RBFOX1: variants seen among roughly 807,000 people sequenced by gnomAD.
The protein encoded by RBFOX1 is RNA binding protein fox-1 homolog 1.
In RBFOX1, 8 loss-of-function variants were observed where a neutral mutation model predicts 57.7. The ratio of observed to expected loss-of-function variants is 0.14; its 90% CI spans 0.08 to 0.25. The LOEUF is 0.25. Among genes scored for constraint, RBFOX1 ranks in the 10% least tolerant of loss-of-function variants. The pLI is 1.00. For synonymous variants in RBFOX1, 326 were observed against 222.4 expected (o/e 1.47, Z -4.15); for missense variants, 611 against 548.5 (o/e 1.11, Z -1.14).
intron 10 of RBFOX1, among the ~76,000 whole-genome samples, chr16:7,629,072 G>A (rs1336650219): frequency 6.6e-6 from 1 of 152,186 alleles, no homozygotes; most frequent in African/African-American, 2.4e-5. Context: ...GCGGGTGGGG[G>A]TGGCTGTTCT....
upstream of RBFOX1, among the ~76,000 whole-genome samples, chr16:6,015,100 G>T (rs112024484): frequency 1.9e-3 from 285 of 152,232 alleles, 2 homozygotes; most frequent in African/African-American, 6.4e-3. Context: ...CAAGCAGTCT[G>T]CCCACTTCAG....
chr16:7,576,659 G>T (rs559029851), intron 5 of RBFOX1, among the ~76,000 whole-genome samples: 105 of 152,282 alleles, frequency 6.9e-4, no homozygotes, highest in African/African-American at 2.4e-3. Flanking sequence ...TGTTTGACTA[G>T]AGATGATTAA....
chr16:6,914,426 G>A (rs1170341016), intron 3 of RBFOX1, among the ~76,000 whole-genome samples: 1 of 152,102 alleles, frequency 6.6e-6, no homozygotes, highest in Non-Finnish European at 1.5e-5. Flanking sequence ...GAAGAGAAAA[G>A]ACAGTAGTAA....
chr16:5,717,269 A>T (rs1300802425), intron 3 of RBFOX1, among the ~76,000 whole-genome samples: 8 of 152,078 alleles, frequency 5.3e-5, no homozygotes, highest in African/African-American at 1.7e-4. Context: ...GTTTCCTGTG[A>T]ATTTATCTTT....
At chr16:6,350,094 A>C (rs115758982) in intron 2 of RBFOX1, among the ~76,000 whole-genome samples, 1 of 152,258 alleles carries the variant, frequency 6.6e-6, no homozygotes, top group Admixed American at 6.5e-5. Context: ...AAATCATGCA[A>C]TTGATATTGG....
intron 3 of RBFOX1, among the ~76,000 whole-genome samples, chr16:5,679,869 C>T (rs8063638): frequency 0.67 from 102,159 of 151,996 alleles, 35,597 homozygotes; most frequent in Non-Finnish European, 0.77. Context: ...TATTAAAGTA[C>T]AGTTCATAGT....
intron 2 of RBFOX1, among the ~76,000 whole-genome samples, chr16:6,451,298 G>A (rs974220248): frequency 2.0e-5 from 3 of 152,100 alleles, no homozygotes; most frequent in Non-Finnish European, 4.4e-5. Context: ...AATTATGGAA[G>A]TATCAACATT....
chr16:7,208,607 G>A (rs747215385), intron 4 of RBFOX1, among the ~76,000 whole-genome samples: 2 of 152,126 alleles, frequency 1.3e-5, no homozygotes, highest in Non-Finnish European at 2.9e-5. Flanking sequence ...AGGCTGTGGT[G>A]GGAAGTTTGC....
At chr16:6,159,826 A>G (rs561178385) in intron 1 of RBFOX1, among the ~76,000 whole-genome samples, 1 of 152,290 alleles carries the variant, frequency 6.6e-6, no homozygotes, top group Non-Finnish European at 1.5e-5. Context: ...TGGGCATGCA[A>G]AGTAACATTG....
At chr16:6,343,337 C>G (rs1017435897) in intron 2 of RBFOX1, among the ~76,000 whole-genome samples, 3 of 152,134 alleles carry the variant, frequency 2.0e-5, no homozygotes, top group African/African-American at 7.2e-5. Context: ...ACCCACTGCT[C>G]CTTCTCAAAC....
chr16:6,897,470 C>T (rs1182419387), intron 3 of RBFOX1, among the ~76,000 whole-genome samples: 2 of 152,150 alleles, frequency 1.3e-5, no homozygotes, highest in Non-Finnish European at 1.5e-5. Flanking sequence ...CGTGATGTGG[C>T]TTCCCACTGT....
chr16:6,352,282 G>A (rs973523719), intron 2 of RBFOX1, among the ~76,000 whole-genome samples: 1 of 151,990 alleles, frequency 6.6e-6, no homozygotes, highest in African/African-American at 2.4e-5. Flanking sequence ...TAGGCAGGGG[G>A]GTTGTTTCTT....
chr16:6,323,543 C>G (rs911301466), intron 2 of RBFOX1, among the ~76,000 whole-genome samples: 1 of 152,146 alleles, frequency 6.6e-6, no homozygotes, highest in Non-Finnish European at 1.5e-5. Flanking sequence ...TGATCACACT[C>G]TTTGTACTTT....
intron 2 of RBFOX1, among the ~76,000 whole-genome samples, chr16:6,612,716 G>C (rs1299991534): frequency 6.6e-6 from 1 of 151,868 alleles, no homozygotes; most frequent in Non-Finnish European, 1.5e-5. Flanking sequence ...GCCGGGTGTG[G>C]TGGTCGGTGT....
In RBFOX1 at chr16:5,887,360, C is replaced by T. The variant is rs115207033; in HGVS notation, c.351+20025C>T. The stretch of plus-strand genomic sequence containing the variant: ...GCCCCAAAGACCATAGTACTGCCTT[C>T]AATGGATTTCCTTCTACCTTGTATT... On this transcript the variant is annotated intron_variant, in intron 4 of 19. Transcript: ENST00000641259. 1.5e-3 allele frequency among the ~76,000 whole-genome samples: 223 copies of T among 152,268 alleles called. 2 individuals are homozygous for T. Among genetic ancestry groups the T allele is most frequent in the African/African-American group, 5.1e-3 (214 of 41,558 alleles).
At chr16:6,714,545 A>G (rs1003884691) in intron 3 of RBFOX1, among the ~76,000 whole-genome samples, 19 of 152,118 alleles carry the variant, frequency 1.2e-4, no homozygotes, top group Admixed American at 2.6e-4. Context: ...TGCAAGTCTC[A>G]TTAGTCATTG....
chr16:5,690,273 C>T (rs536260000), intron 3 of RBFOX1, among the ~76,000 whole-genome samples: 29 of 152,300 alleles, frequency 1.9e-4, no homozygotes, highest in African/African-American at 7.0e-4. Flanking sequence ...TCATCAATGC[C>T]AACAAAGTGC....
chr16:5,398,887 A>G (rs533136247), intron 1 of RBFOX1, among the ~76,000 whole-genome samples: 1 of 152,326 alleles, frequency 6.6e-6, no homozygotes, highest in Non-Finnish European at 1.5e-5. Context: ...CAGGGACCCT[A>G]TTAAACGCTT....
chr16:5,843,102 C>T (rs1215961121), intron 3 of RBFOX1, among the ~76,000 whole-genome samples: 1 of 152,222 alleles, frequency 6.6e-6, no homozygotes, highest in East Asian at 1.9e-4. Context: ...GCTGGGATTA[C>T]AGGCGTGAGC....
Sources: gnomAD v4.1 joint callset for allele counts (sites outside exome capture counted in the v4.1 genomes callset) on GRCh38, gnomAD v4.1.1 for gene constraint, MANE v1.5 for transcripts, NCBI Gene and HGNC (gene_info 2026-07-23, HGNC 2026-07-21) for gene names.